The following UTS2B variants were observed in gnomAD, a reference collection of about 807,000 sequenced individuals.
UTS2B encodes the protein urotensin-2B.
A neutral mutation model predicts 19.2 loss-of-function variants in UTS2B; 21 were observed. The ratio of observed to expected loss-of-function variants is 1.09; its 90% CI spans 0.78 to 1.58. The LOEUF (loss-of-function observed/expected upper bound fraction) is 1.58, where lower values mean the gene tolerates loss of function less well. Ranked by LOEUF, UTS2B falls within the 40% of genes most tolerant of loss-of-function variation. The probability of loss-of-function intolerance (pLI) is 0.00; values close to 1 mark genes in which losing one functional copy is unlikely to be tolerated. For missense variants in UTS2B, 138 were observed against 130.3 expected (o/e 1.06, Z -0.29); for synonymous variants, 57 against 50.2 (o/e 1.14, Z -0.58).
chr3:191,272,812 G>C (rs1398191631), intron 8 of UTS2B, among the ~76,000 whole-genome samples: 1 of 150,906 alleles, frequency 6.6e-6, no homozygotes, highest in Admixed American at 6.6e-5. Flanking sequence ...AGTGAGCCGA[G>C]GTAGCGTGCC....
At chr3:191,313,855 T>C (rs956241458) in intron 3 of UTS2B, among the ~76,000 whole-genome samples, 56 of 150,392 alleles carry the variant, frequency 3.7e-4, no homozygotes, top group African/African-American at 1.3e-3. Context: ...CTCCACCTCC[T>C]GAGTAGCTGA....
intron 2 of UTS2B, among the ~76,000 whole-genome samples, chr3:191,327,221 C>A (rs1001520884): frequency 1.3e-5 from 2 of 152,160 alleles, no homozygotes; most frequent in South Asian, 4.1e-4. Flanking sequence ...GGAGGCCGGG[C>A]GTGGTGGCTC....
upstream of UTS2B, among the ~76,000 whole-genome samples, chr3:191,331,904 G>A (rs575098118): frequency 3.7e-4 from 56 of 152,296 alleles, no homozygotes; most frequent in South Asian, 0.011. Flanking sequence ...AGAAGGGTTA[G>A]TAGTAGTAAT....
chr3:191,300,054 T>C (rs1470152211), intron 4 of UTS2B, among the ~76,000 whole-genome samples: 10 of 151,448 alleles, frequency 6.6e-5, no homozygotes, highest in African/African-American at 1.9e-4. Flanking sequence ...TACACATATA[T>C]ACATTTTTTC....
At chr3:191,284,536 C>G (rs1211473469) in intron 4 of UTS2B, among the ~76,000 whole-genome samples, 2 of 147,290 alleles carry the variant, frequency 1.4e-5, no homozygotes, top group African/African-American at 4.9e-5. Flanking sequence ...TGGTCACACG[C>G]TGGTCTTGAA....
At chr3:191,279,522 T>C (rs1269297818) in intron 5 of UTS2B, among the ~76,000 whole-genome samples, 2 of 152,036 alleles carry the variant, frequency 1.3e-5, no homozygotes, top group Non-Finnish European at 2.9e-5. Flanking sequence ...GAGAAACAGA[T>C]CCATTACCTT....
At chr3:191,329,844 GC>G in intron 1 of UTS2B, 1 of 971,200 alleles carries the variant, frequency 1.0e-6, no homozygotes, top group Non-Finnish European at 1.5e-6. Flanking sequence ...CCCTGCGTTG[GC>G]CTTGCCCGGA....
At chr3:191,323,815 A>T (rs781298648) in intron 2 of UTS2B, among the ~76,000 whole-genome samples, 4 of 152,184 alleles carry the variant, frequency 2.6e-5, no homozygotes, top group Admixed American at 6.5e-5. Flanking sequence ...TGTATAATTG[A>T]AGAATTGTTG....
intron 3 of UTS2B, among the ~76,000 whole-genome samples, chr3:191,310,644 A>G (rs1576931018): frequency 6.6e-6 from 1 of 151,764 alleles, no homozygotes; most frequent in African/African-American, 2.4e-5. Context: ...ACGTCCATGA[A>G]ATTGTGGCAA....
At chr3:191,282,343 T>C (rs1015019939) in intron 4 of UTS2B, 30 bp from the exon 5 acceptor site, 1 of 580,094 alleles carries the variant, frequency 1.7e-6, no homozygotes, top group African/African-American at 1.9e-5. Context: ...AGAAAGAAAA[T>C]AAATCTATAA....
intron 4 of UTS2B, chr3:191,294,472 A>G (rs1435707050): frequency 6.6e-6 from 1 of 151,948 alleles, no homozygotes; most frequent in Non-Finnish European, 1.5e-5. Flanking sequence ...AAAACTGTCA[A>G]GAAAATGATT....
At position 191,275,819 on chromosome 3, in the gene UTS2B, GA is replaced by G. The variant is rs573313258; in HGVS notation, c.241-475del. On this transcript the variant is annotated intron_variant, in intron 7 of 8. Coordinates refer to ENST00000340524, the MANE Select transcript of UTS2B (RefSeq NM_198152.5). Reference sequence around the variant, plus strand: ...AAAGGGGGAAATAGAAACAAAGGAAGAAAAAAACAAAAAAGAGAGAAGAAAA... The same window carrying G: ...AAAGGGGGAAATAGAAACAAAGGAAGAAAAAACAAAAAAGAGAGAAGAAAA... Among the ~76,000 whole-genome samples the G allele has an allele frequency of 2.1e-3, 315 of 151,792 alleles. 6 individuals carry two copies. The South Asian group carries it at 0.026, about 13-fold the overall frequency.
chr3:191,310,732 C>CAGAGATATAATTTGGTT (rs1717277797), intron 3 of UTS2B, among the ~76,000 whole-genome samples: 2 of 142,662 alleles, frequency 1.4e-5, no homozygotes, highest in Non-Finnish European at 3.2e-5. Context: ...TAGCAATGAT[C>CAGAGATATAATTTGGTT]AGAGTTATAA....
chr3:191,338,070 C>T, the UTS2B span, among the ~76,000 whole-genome samples: 1 of 152,038 alleles, frequency 6.6e-6, no homozygotes, highest in Admixed American at 6.6e-5. Context: ...GTCATAAAGG[C>T]TTAGTCATTT....
the UTS2B span, among the ~76,000 whole-genome samples, chr3:191,342,696 T>C: frequency 6.6e-6 from 1 of 152,140 alleles, no homozygotes; most frequent in Non-Finnish European, 1.5e-5. Context: ...TGAGGGCTTG[T>C]GTAAGTGCCA....
At chr3:191,336,210 C>T in the UTS2B span, among the ~76,000 whole-genome samples, 6 of 151,202 alleles carry the variant, frequency 4.0e-5, no homozygotes, top group African/African-American at 7.3e-5. Context: ...CTGGGTTATA[C>T]GGTGAGTGCA....
At chr3:191,324,892 T>G (rs1163534545) in intron 2 of UTS2B, among the ~76,000 whole-genome samples, 2 of 151,886 alleles carry the variant, frequency 1.3e-5, no homozygotes, top group Non-Finnish European at 2.9e-5. Flanking sequence ...CTACTAAATA[T>G]GCAAAAAATT....
At chr3:191,276,982 A>G (rs1716255347) in intron 6 of UTS2B, 138 bp from the exon 7 acceptor site, 2 of 648,508 alleles carry the variant, frequency 3.1e-6, no homozygotes, top group African/African-American at 1.9e-5. Flanking sequence ...CATTCCTAAT[A>G]TAAAACCTCC....
intron 1 of UTS2B, chr3:191,329,665 C>T: frequency 6.2e-7 from 1 of 1,607,868 alleles, no homozygotes; most frequent in African/African-American, 1.3e-5. Flanking sequence ...AACCGGGACC[C>T]TGGCCCGGTA....
Sources: gnomAD v4.1 joint callset for allele counts (sites outside exome capture counted in the v4.1 genomes callset) on GRCh38, gnomAD v4.1.1 for gene constraint, MANE v1.5 for transcripts, NCBI Gene and HGNC (gene_info 2026-07-23, HGNC 2026-07-21) for gene names.